MRPS35: variants seen among roughly 807,000 people sequenced by gnomAD.
MRPS35 encodes mitochondrial ribosomal protein S35.
Under a neutral mutation model 32.7 loss-of-function variants are expected in MRPS35, and 29 were observed. The observed-to-expected ratio is 0.89, with a 90% CI of 0.66 to 1.21. The LOEUF (loss-of-function observed/expected upper bound fraction) is 1.21. Among genes scored for constraint, MRPS35 ranks in the 50% most tolerant of loss-of-function variants. The pLI is 0.00. For missense variants in MRPS35, 373 were observed against 383.8 expected, an observed-to-expected ratio of 0.97 and a Z score of 0.23; for synonymous variants, 148 against 139.3, an observed-to-expected ratio of 1.06 and a Z score of -0.44.
intron 3 of MRPS35, among the ~76,000 whole-genome samples, chr12:27,719,529 G>T (rs1281447251): frequency 6.6e-6 from 1 of 151,908 alleles, no homozygotes; most frequent in South Asian, 2.1e-4. Context: ...AGCCGGGCGT[G>T]GTGGCGGGCG....
At chr12:27,744,808 C>T (rs927213155) in intron 7 of MRPS35, among the ~76,000 whole-genome samples, 6 of 152,152 alleles carry the variant, frequency 3.9e-5, no homozygotes, top group Admixed American at 6.5e-5. Flanking sequence ...GGCCTTTGTT[C>T]TAAAAAGTGG....
intron 5 of MRPS35, among the ~76,000 whole-genome samples, chr12:27,724,713 A>AT (rs1313669715): frequency 1.3e-5 from 2 of 152,096 alleles, no homozygotes; most frequent in African/African-American, 4.8e-5. Context: ...ACTGCACTCC[A>AT]ACCTGGGTGA....
rs149548847 is a variant in MRPS35, at chr12:27,754,765, C to CAAAA, written c.703-398_703-395dup. Among the ~76,000 whole-genome samples, 263 of 103,474 alleles carry CAAAA rather than the reference C, an allele frequency of 2.5e-3. 8 individuals carry two copies. Among genetic ancestry groups the CAAAA allele is most frequent in the African/African-American group, 9.3e-3 (244 of 26,212 alleles). 67.9% of individuals were successfully genotyped at this position (103,474 alleles called of 152,430 possible). Reference sequence around the variant, plus strand: ...CTGGGTGACAGAGTGAGACCCATCTCAAAAAAAAAAAAAAAAAAAAAGTGA... The same window carrying CAAAA: ...CTGGGTGACAGAGTGAGACCCATCTCAAAAAAAAAAAAAAAAAAAAAAAAAGTGA... On this transcript the variant is annotated intron_variant, in intron 7 of 7. Transcript: ENST00000081029.
At chr12:27,729,417 A>C (rs981830458) in intron 5 of MRPS35, among the ~76,000 whole-genome samples, 4 of 152,082 alleles carry the variant, frequency 2.6e-5, no homozygotes, top group Non-Finnish European at 4.4e-5. Flanking sequence ...TTTTCAAGTA[A>C]CCATAGCTTG....
chr12:27,733,300 A>G (rs1471913638), intron 5 of MRPS35, among the ~76,000 whole-genome samples: 2 of 152,142 alleles, frequency 1.3e-5, no homozygotes, highest in Admixed American at 6.5e-5. Context: ...GATTTTTGGC[A>G]TAAACTCCAT....
chr12:27,755,594 G>A lies in MRPS35; in HGVS notation c.*144G>A. On this transcript the variant is annotated 3_prime_UTR_variant, in exon 8 of 8. Coordinates refer to ENST00000081029, the MANE Select transcript of MRPS35 (RefSeq NM_021821.4). ...ATTTCCCTCATACTAATGCTTAATG[G>A]CAATGATTACTCCAGAGTTTTTTAA... 1.4e-6 allele frequency: 1 copy of A among 697,180 alleles called. No homozygotes were observed. The highest frequency in any genetic ancestry group is 2.2e-6 in the Non-Finnish European group (1 of 462,880). The allele number at this position is 697,180 out of a possible 1,614,324, so 43.2% of individuals were successfully genotyped here.
intron 7 of MRPS35, among the ~76,000 whole-genome samples, chr12:27,751,628 A>G (rs927109701): frequency 6.6e-6 from 1 of 152,104 alleles, no homozygotes; most frequent in African/African-American, 2.4e-5. Flanking sequence ...TTATCTGGGC[A>G]TGTGCAAGCC....
At chr12:27,752,064 G>T (rs2062006465) in intron 7 of MRPS35, among the ~76,000 whole-genome samples, 1 of 143,740 alleles carries the variant, frequency 7.0e-6, no homozygotes, top group South Asian at 2.2e-4. Flanking sequence ...AACATAGCAA[G>T]ACCCTGTCTC....
intron 4 of MRPS35, among the ~76,000 whole-genome samples, chr12:27,720,605 T>C (rs2061869897): frequency 6.6e-6 from 1 of 151,840 alleles, no homozygotes; most frequent in Admixed American, 6.6e-5. Flanking sequence ...AGCCCCTCAT[T>C]TATTTATGTA....
In MRPS35 at chr12:27,756,048, G is replaced by A. The variant is rs2062025192; in HGVS notation, c.*598G>A. 6.6e-6 allele frequency: 1 copy of A among 152,234 alleles called. No individual in the cohort carries two copies. Among genetic ancestry groups the A allele is most frequent in the Admixed American group, 6.5e-5 (1 of 15,278 alleles). The allele number at this position is 152,234 out of a possible 1,614,324, so 9.4% of individuals were successfully genotyped here. ...CCAGGGCCAAGCTACCAGAAAAGTA[G>A]AAGTGGAGATTACCTGGTATGTATC... On this transcript the variant is annotated 3_prime_UTR_variant, in exon 8 of 8. Transcript: ENST00000081029.
chr12:27,712,255 G>A (rs975365052), intron 1 of MRPS35, among the ~76,000 whole-genome samples: 5 of 152,184 alleles, frequency 3.3e-5, no homozygotes, highest in African/African-American at 1.2e-4. Flanking sequence ...GGACAATGTG[G>A]CAGGAGCTAA....
At chr12:27,723,355 G>C (rs1174353773) in intron 4 of MRPS35, among the ~76,000 whole-genome samples, 5 of 152,152 alleles carry the variant, frequency 3.3e-5, no homozygotes, top group African/African-American at 1.2e-4. Context: ...AGTGCTTGGA[G>C]CTCCTGTTGT....
chr12:27,754,029 G>A lies in MRPS35; in HGVS notation c.703-1152G>A, dbSNP rs138835918. On this transcript the variant is annotated intron_variant, in intron 7 of 7. Transcript: ENST00000081029. Reference sequence around the variant, plus strand: ...TACACTTTGGGAAGCCAAGGCAGGCGGATCATTTGAAGTCAGGAGTTTGAG... The same window carrying A: ...TACACTTTGGGAAGCCAAGGCAGGCAGATCATTTGAAGTCAGGAGTTTGAG... Among the ~76,000 whole-genome samples, 250 of 152,296 alleles carry A rather than the reference G, an allele frequency of 1.6e-3. No homozygotes were observed. In the Middle Eastern group the frequency reaches 0.034, roughly 21 times the overall value.
chr12:27,743,797 G>A (rs1183611432), intron 7 of MRPS35, among the ~76,000 whole-genome samples: 3 of 152,246 alleles, frequency 2.0e-5, no homozygotes, highest in South Asian at 4.2e-4. Flanking sequence ...TGATCAGGGC[G>A]CCAGCATGGT....
rs569372950 is a variant in MRPS35 at position 27,746,033 on chromosome 12, C to T, written c.702+8425C>T. ...TAGTGCCACAGTAAACATATGTGTG[C>T]ATGTGTCTTTATAGCAGCATGATTT... is the stretch of plus-strand genomic sequence containing the variant. On this transcript the variant is annotated intron_variant, in intron 7 of 7. Coordinates refer to ENST00000081029, the MANE Select transcript of MRPS35 (RefSeq NM_021821.4). Among the ~76,000 whole-genome samples the T allele has an allele frequency of 1.9e-4, 29 of 152,250 alleles. No homozygotes were observed. In the South Asian group the frequency reaches 5.4e-3, roughly 28 times the overall value.
chr12:27,719,923 G>T, intron 4 of MRPS35, 55 bp downstream of exon 4: 1 of 1,282,636 alleles, frequency 7.8e-7, no homozygotes. Context: ...ATAAATTTAA[G>T]AATCTCTGTT....
chr12:27,733,022 A>ATCTATCTATCTATCTATC (rs1278264280), intron 5 of MRPS35, among the ~76,000 whole-genome samples: 2 of 36,626 alleles, frequency 5.5e-5, no homozygotes, highest in East Asian at 2.4e-3. Flanking sequence ...ATATATATAT[A>ATCTATCTATCTATCTATC]TATATATATA....
At chr12:27,725,798 C>CTTTTTTTTTT (rs1176188580) in intron 5 of MRPS35, 1 of 68,242 alleles carries the variant, frequency 1.5e-5, no homozygotes, top group Non-Finnish European at 2.4e-5. Context: ...CCTTGTATAC[C>CTTTTTTTTTT]TTTTTTTTTT....
At position 27,755,315 on chromosome 12, in the gene MRPS35, TAAAG is replaced by T; in HGVS notation, c.840_843del (p.Glu281SerfsTer35). On this transcript the variant is annotated frameshift_variant, in exon 8 of 8. Coordinates refer to ENST00000081029, the MANE Select transcript of MRPS35 (RefSeq NM_021821.4). LOFTEE classifies it low-confidence loss of function (END_TRUNC). ...CTGCTGAGAAAAATATGGAAATAAA[TAAAG>T]AAGAGCTCCTTGGTACTAAAGAAAT... is the stretch of plus-strand genomic sequence containing the variant. 2 of 1,612,350 alleles carry T rather than the reference TAAAG, an allele frequency of 1.2e-6. No homozygotes were observed. The highest frequency in any genetic ancestry group is 1.1e-5 in the South Asian group (1 of 90,364).
Sources: gnomAD v4.1 joint callset for allele counts (sites outside exome capture counted in the v4.1 genomes callset) on GRCh38, gnomAD v4.1.1 for gene constraint, MANE v1.5 for transcripts, NCBI Gene and HGNC (gene_info 2026-07-23, HGNC 2026-07-21) for gene names.